Variants in LDLRAD4 observed in about 807,000 individuals in gnomAD.
LDLRAD4 encodes the protein low density lipoprotein receptor class A domain containing 4.
LDLRAD4 carries 5 observed loss-of-function variants against 17.0 expected under a neutral mutation model. The ratio of observed to expected loss-of-function variants is 0.29; its 90% CI spans 0.15 to 0.62. The LOEUF (loss-of-function observed/expected upper bound fraction) is 0.62, where lower values mean the gene tolerates loss of function less well. Ranked by LOEUF, LDLRAD4 falls within the 20% of genes least tolerant of loss-of-function variation. The pLI is 0.84. For missense variants in LDLRAD4, 340 were observed against 424.7 expected, an observed-to-expected ratio of 0.80 and a Z score of 1.75; for synonymous variants, 168 against 171.8, an observed-to-expected ratio of 0.98 and a Z score of 0.17.
At chr18:13,337,162 TG>T (rs2082142729) in intron 1 of LDLRAD4, among the ~76,000 whole-genome samples, 2 of 152,324 alleles carry the variant, frequency 1.3e-5, no homozygotes, top group East Asian at 3.9e-4. Flanking sequence ...ATTTTTTAAA[TG>T]GTCTTGCCTC....
At chr18:13,611,951 C>G in intron 3 of LDLRAD4, 1 of 985,474 alleles carries the variant, frequency 1.0e-6, no homozygotes, top group Non-Finnish European at 1.2e-6. Flanking sequence ...GGCTCGCAGC[C>G]TGAGGGACGC....
chr18:13,590,196 G>A (rs2094999117), intron 3 of LDLRAD4, among the ~76,000 whole-genome samples: 1 of 151,632 alleles, frequency 6.6e-6, no homozygotes. Flanking sequence ...AGGAGATGTG[G>A]GTAAGGGTTT....
intron 1 of LDLRAD4, among the ~76,000 whole-genome samples, chr18:13,321,861 C>CAAAAAAACAAAAAAA (rs2081242424): frequency 1.6e-5 from 1 of 62,140 alleles, no homozygotes; most frequent in Non-Finnish European, 2.8e-5. Flanking sequence ...GACTCCGTCT[C>CAAAAAAACAAAAAAA]AAAAAAAAAA....
intron 1 of LDLRAD4, among the ~76,000 whole-genome samples, chr18:13,237,896 T>C (rs1247771675): frequency 6.6e-6 from 1 of 152,228 alleles, no homozygotes; most frequent in Non-Finnish European, 1.5e-5. Flanking sequence ...TGAGGTCACA[T>C]GCTGTTAAGA....
At chr18:13,550,677 C>T (rs1273582583) in intron 3 of LDLRAD4, among the ~76,000 whole-genome samples, 2 of 152,178 alleles carry the variant, frequency 1.3e-5, no homozygotes, top group Non-Finnish European at 2.9e-5. Context: ...GGAGCTGGCC[C>T]CTGCCAAAAC....
intron 3 of LDLRAD4, among the ~76,000 whole-genome samples, chr18:13,540,508 A>G (rs2094263615): frequency 6.6e-6 from 1 of 152,190 alleles, no homozygotes; most frequent in Non-Finnish European, 1.5e-5. Context: ...AGTTTCTGAA[A>G]GGTATTCAAT....
intron 3 of LDLRAD4, among the ~76,000 whole-genome samples, chr18:13,556,493 TG>T (rs2094485126): frequency 6.6e-6 from 1 of 152,214 alleles, no homozygotes; most frequent in Non-Finnish European, 1.5e-5. Flanking sequence ...TGCTTGGCTA[TG>T]CCCGAATCCA....
intron 3 of LDLRAD4, among the ~76,000 whole-genome samples, chr18:13,501,545 C>T (rs567136921): frequency 6.6e-6 from 1 of 151,724 alleles, no homozygotes; most frequent in Admixed American, 6.6e-5. Context: ...CTCTTTCCCT[C>T]CTCCGGAGGT....
intron 2 of LDLRAD4, among the ~76,000 whole-genome samples, chr18:13,409,463 G>A (rs1435437637): frequency 6.6e-6 from 1 of 152,202 alleles, no homozygotes; most frequent in Non-Finnish European, 1.5e-5. Context: ...ATTGCCATTA[G>A]ACACAGGAAG....
intron 3 of LDLRAD4, among the ~76,000 whole-genome samples, chr18:13,450,040 TC>T (rs1345461678): frequency 2.6e-5 from 4 of 152,370 alleles, no homozygotes; most frequent in African/African-American, 9.6e-5. Context: ...AGTTCGCTCT[TC>T]CATTTGCATA....
rs562072838 is a variant in LDLRAD4, at chr18:13,587,297, A to G, written c.182-33820A>G. 2.0e-5 allele frequency among the ~76,000 whole-genome samples: 3 copies of G among 152,330 alleles called. No homozygotes were observed. In the East Asian group the frequency reaches 5.8e-4, roughly 29 times the overall value. ...ACCCCTGCCCTAGGCATTGCATTCC[A>G]GAACTCTCTCCATGTTAGACAGTCT... On this transcript the variant is annotated intron_variant, in intron 3 of 5. Transcript: ENST00000359446.
intron 3 of LDLRAD4, among the ~76,000 whole-genome samples, chr18:13,503,333 GAT>G (rs578112548): frequency 8.5e-5 from 13 of 152,218 alleles, no homozygotes; most frequent in Non-Finnish European, 1.5e-4. Context: ...CTTTTCTACA[GAT>G]AGCAGGCAAC....
At position 13,630,603 on chromosome 18, in the gene LDLRAD4, G is replaced by A. The variant is rs184083156; in HGVS notation, c.336+9332G>A. Reference sequence around the variant, plus strand: ...CCCTTGGGTAGAATCAGAATACCCAGCAGTAGTCTTGCTTTACCGCAGACT... The same window carrying A: ...CCCTTGGGTAGAATCAGAATACCCAACAGTAGTCTTGCTTTACCGCAGACT... On this transcript the variant is annotated intron_variant, in intron 4 of 5. Coordinates refer to ENST00000359446, the Ensembl canonical transcript of LDLRAD4. Among the ~76,000 whole-genome samples the A allele has an allele frequency of 7.2e-5, 11 of 152,314 alleles. No individual in the cohort carries two copies. The East Asian group carries it at 2.1e-3, about 29-fold the overall frequency.
In LDLRAD4 at chr18:13,621,188, C is replaced by T; in HGVS notation, c.253C>T (p.Leu85=). 2 of 1,614,180 alleles carry T rather than the reference C, an allele frequency of 1.2e-6. No individual in the cohort carries two copies. Among genetic ancestry groups the T allele is most frequent in the South Asian group, 1.1e-5 (1 of 91,086 alleles). ...GGTGATGGTGGTGGTCATCGTCTGC[C>T]TGCTGAACCACTACAAAGTCTCCAC... The change falls in exon 4 of 6, where the codon CTG becomes TTG. Residue 85 remains leucine, a synonymous_variant. Transcript: ENST00000359446. This position sits in a 1 kb window ranked among gnomAD's most constrained non-coding sequence, Gnocchi z 5.5.
intron 3 of LDLRAD4, chr18:13,488,235 T>C (rs1472177478): frequency 1.3e-5 from 2 of 152,328 alleles, no homozygotes; most frequent in Non-Finnish European, 2.9e-5. Context: ...CCTAGAGCCA[T>C]GCTCTGGTCA....
intron 1 of LDLRAD4, among the ~76,000 whole-genome samples, chr18:13,386,919 GATAGATAGATAGATAGATAGATAGATA>G (rs1568082614): frequency 4.2e-5 from 2 of 47,426 alleles, no homozygotes; most frequent in Non-Finnish European, 6.4e-5. Flanking sequence ...TAGATAGATA[GATAGATAGATAGATAGATAGATAGATA>G]GATGGATGGA....
intron 3 of LDLRAD4, chr18:13,564,926 CAG>C (rs749750343): frequency 6.6e-6 from 1 of 152,296 alleles, no homozygotes; most frequent in Non-Finnish European, 1.5e-5. Context: ...AAGAAAAAAA[CAG>C]ACATTAAAAG....
At chr18:13,607,597 TC>T (rs1200832249) in intron 3 of LDLRAD4, among the ~76,000 whole-genome samples, 1 of 151,406 alleles carries the variant, frequency 6.6e-6, no homozygotes, top group African/African-American at 2.4e-5. Context: ...TCCCCTTGCC[TC>T]CCCCAGCCCC....
At chr18:13,490,991 T>TGCC (rs2093347119) in intron 3 of LDLRAD4, among the ~76,000 whole-genome samples, 2 of 152,170 alleles carry the variant, frequency 1.3e-5, no homozygotes, top group African/African-American at 4.8e-5. Flanking sequence ...TCAGAGTGAA[T>TGCC]CACTGGGCTG....
Sources: allele counts gnomAD v4.1 joint callset (sites outside exome capture counted in the v4.1 genomes callset), GRCh38; gene constraint gnomAD v4.1.1; non-coding constraint Gnocchi (gnomAD v3.1); transcripts MANE v1.5; gene names NCBI Gene and HGNC (gene_info 2026-07-23, HGNC 2026-07-21).